The following SNX31 variants were observed in gnomAD, a reference collection of about 807,000 sequenced individuals.
The protein encoded by SNX31 is sorting nexin-31.
SNX31 carries 58 observed loss-of-function variants against 65.4 expected under a neutral mutation model. That is an observed-to-expected ratio of 0.89 (90% CI 0.72 to 1.10). The LOEUF (loss-of-function observed/expected upper bound fraction) is 1.10. Ranked by LOEUF, SNX31 falls within the 50% of genes least tolerant of loss-of-function variation. The pLI is 0.00. For missense variants in SNX31, 523 were observed against 529.7 expected, an observed-to-expected ratio of 0.99 and a Z score of 0.12; for synonymous variants, 181 against 190.1, an observed-to-expected ratio of 0.95 and a Z score of 0.39.
chr8:100,632,970 C>G (rs1000603414), intron 3 of SNX31, among the ~76,000 whole-genome samples: 1 of 152,064 alleles, frequency 6.6e-6, no homozygotes, highest in Non-Finnish European at 1.5e-5. Context: ...TGTTGCCCAG[C>G]ATGGAGTGCA....
At chr8:100,643,212 G>A (rs11780562) in intron 2 of SNX31, among the ~76,000 whole-genome samples, 13,856 of 67,848 alleles carry the variant, frequency 0.2, 720 homozygotes, top group African/African-American at 0.27. Flanking sequence ...AAACAAAACA[G>A]AAACAAACAA....
intron 2 of SNX31, among the ~76,000 whole-genome samples, chr8:100,644,108 A>G (rs2131275319): frequency 6.6e-6 from 1 of 152,222 alleles, no homozygotes; most frequent in Non-Finnish European, 1.5e-5. Context: ...AGGTATGGGT[A>G]GGGAAAGAGG....
intron 7 of SNX31, among the ~76,000 whole-genome samples, chr8:100,608,984 C>A (rs1816456670): frequency 6.6e-6 from 1 of 152,178 alleles, no homozygotes. Flanking sequence ...CTCTGGGAGC[C>A]TCCTTTCCAG....
rs1563548622 is a variant in SNX31 at position 100,612,563 on chromosome 8, CTA to C, written c.523+430_523+431del. Among the ~76,000 whole-genome samples the C allele has an allele frequency of 6.6e-6, 1 of 152,108 alleles. No homozygotes were observed. Among genetic ancestry groups the C allele is most frequent in the Non-Finnish European group, 1.5e-5 (1 of 68,022 alleles). ...AGGAGAATCAGACTGTCTTCTTACACTATCTCATTACACTTGAAAAAAGAATC... is the reference window on the plus strand; with the variant it reads ...AGGAGAATCAGACTGTCTTCTTACACTCTCATTACACTTGAAAAAAGAATC... On this transcript the variant is annotated intron_variant, in intron 6 of 13. Coordinates refer to ENST00000311812, the MANE Select transcript of SNX31 (RefSeq NM_152628.4). This position sits in a 1 kb window ranked among gnomAD's most constrained non-coding sequence, Gnocchi z 4.3.
intron 3 of SNX31, among the ~76,000 whole-genome samples, chr8:100,633,538 C>T (rs777370450): frequency 2.0e-5 from 3 of 151,640 alleles, no homozygotes; most frequent in East Asian, 2.0e-4. Context: ...CAATTTGCTG[C>T]GATTGCAGGC....
At chr8:100,623,436 A>G (rs1233092880) in intron 4 of SNX31, among the ~76,000 whole-genome samples, 1 of 152,188 alleles carries the variant, frequency 6.6e-6, no homozygotes, top group African/African-American at 2.4e-5. Flanking sequence ...TCCCTCACCC[A>G]GTGGAATTCT....
intron 4 of SNX31, among the ~76,000 whole-genome samples, chr8:100,620,563 A>G (rs1002568548): frequency 1.8e-4 from 28 of 152,232 alleles, no homozygotes; most frequent in African/African-American, 6.5e-4. Flanking sequence ...TTAGTCCAAA[A>G]AAAGCACTAT....
upstream of SNX31, among the ~76,000 whole-genome samples, chr8:100,652,373 T>G (rs1239280226): frequency 6.6e-6 from 1 of 152,230 alleles, no homozygotes. Context: ...TATTTTAATT[T>G]ACTCTGTGCC....
chr8:100,650,854 T>TG (rs1468185374), upstream of SNX31, among the ~76,000 whole-genome samples: 723 of 149,570 alleles, frequency 4.8e-3, 5 homozygotes, highest in African/African-American at 0.016. Flanking sequence ...TTTTTTGTTT[T>TG]TTTTTTTTTT....
chr8:100,577,001 A>G lies in SNX31; in HGVS notation c.1227+18T>C. The G allele has an allele frequency of 6.2e-7, 1 of 1,602,040 alleles. No homozygotes were observed. Among genetic ancestry groups the G allele is most frequent in the African/African-American group, 1.3e-5 (1 of 74,696 alleles). On this transcript the variant is annotated intron_variant, in intron 13 of 13. Transcript: ENST00000311812. The stretch of plus-strand genomic sequence containing the variant: ...ATCAAAATTATAATGTACCAATTAC[A>G]TAATTTTACTCACAGACCTGGCTTT...
intron 4 of SNX31, among the ~76,000 whole-genome samples, chr8:100,627,018 T>G (rs1328893500): frequency 3.3e-5 from 5 of 152,118 alleles, no homozygotes; most frequent in African/African-American, 4.8e-5. Flanking sequence ...ATTAAGGAAA[T>G]GAAATCAGGT....
At chr8:100,577,962 A>G (rs1244632839) in intron 12 of SNX31, among the ~76,000 whole-genome samples, 1 of 152,242 alleles carries the variant, frequency 6.6e-6, no homozygotes, top group Non-Finnish European at 1.5e-5. Context: ...CTGGAAGAAG[A>G]GAATTGTCTT....
upstream of SNX31, among the ~76,000 whole-genome samples, chr8:100,653,181 T>C (rs2013100): frequency 0.62 from 94,385 of 152,036 alleles, 31,467 homozygotes; most frequent in African/African-American, 0.87. Flanking sequence ...CTGTCTTTAC[T>C]TGTATTGGTC....
chr8:100,647,983 A>T (rs1374540216), intron 2 of SNX31, among the ~76,000 whole-genome samples: 2 of 152,178 alleles, frequency 1.3e-5, no homozygotes, highest in African/African-American at 4.8e-5. Context: ...GTTCCTAAGG[A>T]CCTACTGGGT....
At chr8:100,611,749 T>C (rs567160355) in intron 7 of SNX31, among the ~76,000 whole-genome samples, 5 of 152,258 alleles carry the variant, frequency 3.3e-5, no homozygotes, top group Admixed American at 3.3e-4. Flanking sequence ...GGAGATGAGG[T>C]CTTGCTATGT....
In SNX31 at chr8:100,630,434, T is replaced by C; in HGVS notation, c.257-43A>G. 1 of 1,560,802 alleles carries C rather than the reference T, an allele frequency of 6.4e-7. No homozygotes were observed. Among genetic ancestry groups the C allele is most frequent in the Non-Finnish European group, 8.8e-7 (1 of 1,140,432 alleles). On this transcript the variant is annotated intron_variant, in intron 3 of 13. Coordinates refer to ENST00000311812, the MANE Select transcript of SNX31 (RefSeq NM_152628.4). The surrounding 1 kb of genome is among the most constrained non-coding windows in gnomAD (Gnocchi z 5.3). ...TGAGCCAGGTTAGCATGGGCTGGGC[T>C]GGGCCCTGCCTATTAATTGCTATGT...
At position 100,604,512 on chromosome 8, in the gene SNX31, G is replaced by A. The variant is rs1289386884; in HGVS notation, c.681+3982C>T. Among the ~76,000 whole-genome samples, 1 of 152,194 alleles carries A rather than the reference G, an allele frequency of 6.6e-6. No individual in the cohort carries two copies. The highest frequency in any genetic ancestry group is 1.9e-4 in the East Asian group (1 of 5,184). ...CCATAGGGGAGTCAGGAAGCCAAAG[G>A]TCAGCCCCCCTCCACTCACCAAGCC... On this transcript the variant is annotated intron_variant, in intron 8 of 13. Coordinates refer to ENST00000311812, the MANE Select transcript of SNX31 (RefSeq NM_152628.4). This position sits in a 1 kb window ranked among gnomAD's most constrained non-coding sequence, Gnocchi z 4.3.
In SNX31 at chr8:100,600,030, A is replaced by C. The variant is rs144200293; in HGVS notation, c.774+319T>G. Among the ~76,000 whole-genome samples, 74 of 152,320 alleles carry C rather than the reference A, an allele frequency of 4.9e-4. 1 individual carries two copies. The highest frequency in any genetic ancestry group is 1.7e-3 in the African/African-American group (71 of 41,572). On this transcript the variant is annotated intron_variant, in intron 9 of 13. Coordinates refer to ENST00000311812, the MANE Select transcript of SNX31 (RefSeq NM_152628.4). Reference sequence around the variant, plus strand: ...GCTGGAAACAACCTGACTTCCAATAATAGAAAAGTGGTTAGCCAAACGATA... The same window carrying C: ...GCTGGAAACAACCTGACTTCCAATACTAGAAAAGTGGTTAGCCAAACGATA...
intron 4 of SNX31, among the ~76,000 whole-genome samples, chr8:100,621,235 G>T (rs1817667483): frequency 6.6e-6 from 1 of 152,182 alleles, no homozygotes; most frequent in South Asian, 2.1e-4. Context: ...TGTGACTGTA[G>T]GTTCTAAATA....
Sources: allele counts gnomAD v4.1 joint callset (sites outside exome capture counted in the v4.1 genomes callset), GRCh38; gene constraint gnomAD v4.1.1; non-coding constraint Gnocchi (gnomAD v3.1); transcripts MANE v1.5; gene names NCBI Gene and HGNC (gene_info 2026-07-23, HGNC 2026-07-21).